The following SH3GL2 variants were observed in gnomAD, a reference collection of about 807,000 sequenced individuals.
SH3GL2 encodes SH3 domain containing GRB2 like 2, endophilin A1.
In SH3GL2, 24 loss-of-function variants were observed where a neutral mutation model predicts 46.0. The observed-to-expected ratio is 0.52, with a 90% CI of 0.38 to 0.73. The LOEUF (loss-of-function observed/expected upper bound fraction) is 0.73, where lower values mean the gene tolerates loss of function less well. Ranked by LOEUF, SH3GL2 falls within the 30% of genes least tolerant of loss-of-function variation. The pLI, the probability that SH3GL2 is intolerant of heterozygous loss-of-function variation, is 0.00. For missense variants in SH3GL2, 413 were observed against 424.2 expected (o/e 0.97, Z 0.23); for synonymous variants, 196 against 147.1 (o/e 1.33, Z -2.40).
intron 3 of SH3GL2, among the ~76,000 whole-genome samples, chr9:17,768,878 A>G (rs1823394442): frequency 6.6e-6 from 1 of 152,154 alleles, no homozygotes; most frequent in Non-Finnish European, 1.5e-5. Flanking sequence ...GAAGTTCCTC[A>G]CTTAGAATAA....
chr9:17,647,319 G>C (rs986563593), intron 1 of SH3GL2, among the ~76,000 whole-genome samples: 1 of 152,190 alleles, frequency 6.6e-6, no homozygotes, highest in Non-Finnish European at 1.5e-5. Flanking sequence ...CACTAGGCAA[G>C]GTCACATTGT....
At chr9:17,714,752 G>A (rs1015514245) in intron 1 of SH3GL2, among the ~76,000 whole-genome samples, 3 of 151,654 alleles carry the variant, frequency 2.0e-5, no homozygotes, top group Non-Finnish European at 3.0e-5. Context: ...TGTTTGAATA[G>A]TCAGTTATCT....
At chr9:17,673,015 C>G (rs72715404) in intron 1 of SH3GL2, among the ~76,000 whole-genome samples, 1 of 152,114 alleles carries the variant, frequency 6.6e-6, no homozygotes, top group Non-Finnish European at 1.5e-5. Flanking sequence ...CAGTATCACT[C>G]GGCTCTTTGA....
chr9:17,731,037 G>A (rs992002885), intron 1 of SH3GL2, among the ~76,000 whole-genome samples: 5 of 152,146 alleles, frequency 3.3e-5, no homozygotes, highest in African/African-American at 1.2e-4. Context: ...ATGCATGCCA[G>A]CCTTGCGACA....
intron 1 of SH3GL2, among the ~76,000 whole-genome samples, chr9:17,735,047 C>T (rs1822290307): frequency 6.6e-6 from 1 of 152,116 alleles, no homozygotes; most frequent in African/African-American, 2.4e-5. Context: ...TGCCTCCGGG[C>T]TCCCTTCCTG....
At chr9:17,734,526 G>A (rs991230101) in intron 1 of SH3GL2, among the ~76,000 whole-genome samples, 2 of 152,056 alleles carry the variant, frequency 1.3e-5, no homozygotes, top group African/African-American at 4.8e-5. Flanking sequence ...TTTGCCCACA[G>A]TTTTCAACCT....
intron 1 of SH3GL2, among the ~76,000 whole-genome samples, chr9:17,612,165 C>G (rs1184605117): frequency 6.6e-6 from 1 of 152,084 alleles, no homozygotes; most frequent in African/African-American, 2.4e-5. Context: ...CCTGTCTGTC[C>G]TCTCTCTCTA....
chr9:17,761,016 A>G (rs1823154247), intron 2 of SH3GL2, among the ~76,000 whole-genome samples: 1 of 152,220 alleles, frequency 6.6e-6, no homozygotes, highest in African/African-American at 2.4e-5. Context: ...CTTAGAAGTT[A>G]AATAAAAAGC....
chr9:17,744,071 G>A (rs938200535), intron 1 of SH3GL2, among the ~76,000 whole-genome samples: 3 of 152,180 alleles, frequency 2.0e-5, no homozygotes, highest in Non-Finnish European at 4.4e-5. Context: ...GTAGAATGGA[G>A]ACAACAATTG....
At chr9:17,605,452 A>G (rs1588167998) in intron 1 of SH3GL2, among the ~76,000 whole-genome samples, 2 of 152,266 alleles carry the variant, frequency 1.3e-5, no homozygotes, top group South Asian at 2.1e-4. Flanking sequence ...TCTAGCAGGT[A>G]TGTATTGAGA....
At chr9:17,694,935 T>G (rs190826667) in intron 1 of SH3GL2, among the ~76,000 whole-genome samples, 63 of 152,230 alleles carry the variant, frequency 4.1e-4, no homozygotes, top group African/African-American at 1.4e-3. Flanking sequence ...GGTGATACCT[T>G]GCACAGCAGT....
intron 2 of SH3GL2, among the ~76,000 whole-genome samples, chr9:17,749,584 G>T (rs922998065): frequency 6.6e-6 from 1 of 152,164 alleles, no homozygotes; most frequent in African/African-American, 2.4e-5. Flanking sequence ...TTTAGCATCT[G>T]CCAGGACTAA....
At chr9:17,603,927 T>C (rs1186970556) in intron 1 of SH3GL2, among the ~76,000 whole-genome samples, 2 of 152,110 alleles carry the variant, frequency 1.3e-5, no homozygotes, top group Non-Finnish European at 2.9e-5. Flanking sequence ...TATATACACT[T>C]ACAAGTTAAG....
intron 3 of SH3GL2, among the ~76,000 whole-genome samples, chr9:17,776,937 G>T (rs1473241703): frequency 2.6e-5 from 4 of 152,148 alleles, no homozygotes. Flanking sequence ...AGCAGTGCTG[G>T]CCTAACTCCA....
chr9:17,667,499 C>G (rs766705520), intron 1 of SH3GL2, among the ~76,000 whole-genome samples: 15 of 152,142 alleles, frequency 9.9e-5, no homozygotes, highest in Non-Finnish European at 1.8e-4. Flanking sequence ...GTTACAGATG[C>G]ATCAGTACAA....
chr9:17,729,215 C>G (rs1048550190), intron 1 of SH3GL2, among the ~76,000 whole-genome samples: 1 of 152,056 alleles, frequency 6.6e-6, no homozygotes, highest in South Asian at 2.1e-4. Context: ...CTCTAATGAC[C>G]GGTGATGATG....
intron 2 of SH3GL2, among the ~76,000 whole-genome samples, chr9:17,750,265 C>T (rs977944908): frequency 3.3e-5 from 5 of 151,584 alleles, no homozygotes; most frequent in African/African-American, 7.3e-5. Context: ...GTTTTCTGCT[C>T]GTCAGGCATT....
At position 17,637,021 on chromosome 9, in the gene SH3GL2, G is replaced by A. The variant is rs554546185; in HGVS notation, c.45+57734G>A. Among the ~76,000 whole-genome samples the A allele has an allele frequency of 7.2e-4, 109 of 152,320 alleles. 1 individual carries two copies. The highest frequency in any genetic ancestry group is 2.6e-3 in the African/African-American group (106 of 41,564). ...GCTCTAACCTGCCAGTTGCCTGGAA[G>A]GGAAAGGAATATCAAAGGTGAACCT... is the stretch of plus-strand genomic sequence containing the variant. On this transcript the variant is annotated intron_variant, in intron 1 of 8. Transcript: ENST00000380607.
At chr9:17,780,010 G>A (rs1039431440) in intron 3 of SH3GL2, among the ~76,000 whole-genome samples, 1 of 152,056 alleles carries the variant, frequency 6.6e-6, no homozygotes, top group African/African-American at 2.4e-5. Flanking sequence ...ATCGCCTTTG[G>A]GATTTTAAAA....
Sources: gnomAD v4.1 joint callset for allele counts (sites outside exome capture counted in the v4.1 genomes callset) on GRCh38, gnomAD v4.1.1 for gene constraint, MANE v1.5 for transcripts, NCBI Gene and HGNC (gene_info 2026-07-23, HGNC 2026-07-21) for gene names.